Variants in ZNF454 observed in about 807,000 individuals in gnomAD.
ZNF454 encodes the protein zinc finger protein 454.
A neutral mutation model predicts 48.2 loss-of-function variants in ZNF454; 30 were observed. That is an observed-to-expected ratio of 0.62 (90% confidence interval 0.47 to 0.84). The LOEUF (loss-of-function observed/expected upper bound fraction) is 0.84. ZNF454 is among the 40% of genes least tolerant of loss of function. The probability of loss-of-function intolerance (pLI) is 0.00; values close to 1 mark genes in which losing one functional copy is unlikely to be tolerated. For missense variants in ZNF454, 510 were observed against 623.1 expected (o/e 0.82, Z 1.93); for synonymous variants, 204 against 211.4 (o/e 0.97, Z 0.30).
At chr5:178,942,344 TG>T (rs1274988694) in intron 1 of ZNF454, 1 of 154,764 alleles carries the variant, frequency 6.5e-6, no homozygotes, top group Non-Finnish European at 1.4e-5. Context: ...AGGCGGAGGT[TG>T]CAGTGAGCCA....
In ZNF454 at chr5:178,946,853, CG is replaced by C; in HGVS notation, c.161-43del. 1 of 1,541,570 alleles carries C rather than the reference CG, an allele frequency of 6.5e-7. No homozygotes were observed. Among genetic ancestry groups the C allele is most frequent in the Non-Finnish European group, 8.9e-7 (1 of 1,117,758 alleles). ...TGTCTTTGCAGTGATTTTTATCTCTCGTATAAACAGATGTGGTTCATTTTTG... is the reference window on the plus strand; with the variant it reads ...TGTCTTTGCAGTGATTTTTATCTCTCTATAAACAGATGTGGTTCATTTTTG... On this transcript the variant is annotated intron_variant, in intron 3 of 4. Transcript: ENST00000519564. The surrounding 1 kb of genome is among the most constrained non-coding windows in gnomAD (Gnocchi z 4.5).
At chr5:178,985,830 T>A in the ZNF454 span, 1 of 535,378 alleles carries the variant, frequency 1.9e-6, no homozygotes, top group Non-Finnish European at 3.4e-6. Context: ...GGTGCGATCT[T>A]GGCTCACAGC....
At chr5:178,989,097 C>CAA in the ZNF454 span, 1 of 1,614,000 alleles carries the variant, frequency 6.2e-7, no homozygotes, top group South Asian at 1.1e-5. Flanking sequence ...ACCTTGCCCT[C>CAA]CTGCTCGTAG....
chr5:178,984,099 A>T, the ZNF454 span, among the ~76,000 whole-genome samples: 5,359 of 152,238 alleles, frequency 0.035, 104 homozygotes, highest in South Asian at 0.074. Flanking sequence ...CCTTCCAAAT[A>T]AGTGGATCAC....
chr5:178,967,727 TTTCTTTTTCTTTTTC>T, downstream of ZNF454, among the ~76,000 whole-genome samples: 1 of 73,974 alleles, frequency 1.4e-5, no homozygotes, highest in Non-Finnish European at 2.9e-5. Context: ...GTTTTTTTTT[TTTCTTTTTCTTTTTC>T]TTTTTTTTTT....
chr5:178,957,059 T>A lies in ZNF454; in HGVS notation c.251-7596T>A, dbSNP rs187585337. On this transcript the variant is annotated intron_variant, in intron 4 of 4. Transcript: ENST00000519564. Reference sequence around the variant, plus strand: ...CCACCACGCCCGGATAATTTTTGTGTTTTTAGTAGAGACAGGGTTTCACCA... The same window carrying A: ...CCACCACGCCCGGATAATTTTTGTGATTTTAGTAGAGACAGGGTTTCACCA... Among the ~76,000 whole-genome samples the A allele has an allele frequency of 2.0e-4, 30 of 151,882 alleles. No individual in the cohort carries two copies. In the East Asian group the frequency reaches 5.5e-3, roughly 28 times the overall value.
chr5:178,965,077 T>A lies in ZNF454; in HGVS notation c.673T>A (p.Phe225Ile). 1 of 1,614,190 alleles carries A rather than the reference T, an allele frequency of 6.2e-7. No individual in the cohort carries two copies. The highest frequency in any genetic ancestry group is 8.5e-7 in the Non-Finnish European group (1 of 1,180,044). The change falls in exon 5 of 5, where the codon TTT becomes ATT. Residue 225 changes from phenylalanine to isoleucine, a missense_variant. Phe to Ile is a conservative substitution (Grantham distance 21). Coordinates refer to ENST00000519564, the MANE Select transcript of ZNF454 (RefSeq NM_001178089.3). The surrounding 1 kb of genome is among the most constrained non-coding windows in gnomAD (Gnocchi z 5.2). ...RYECRECGKA[F>I]HQSTHLIHHQ... ...TGAATGTAGAGAATGTGGGAAAGCC[T>A]TTCACCAGAGTACGCACCTTATCCA...
the ZNF454 span, among the ~76,000 whole-genome samples, chr5:178,984,630 C>G: frequency 2.0e-5 from 3 of 152,106 alleles, no homozygotes; most frequent in Non-Finnish European, 4.4e-5. Context: ...AGGAGCACCT[C>G]AGGCCGGGAC....
In ZNF454 at chr5:178,946,489, A is replaced by T; in HGVS notation, c.160+4A>T. On this transcript the variant is annotated splice_donor_region_variant and intron_variant, in intron 3 of 4. Transcript: ENST00000519564. The surrounding 1 kb of genome is among the most constrained non-coding windows in gnomAD (Gnocchi z 4.5). Reference sequence around the variant, plus strand: ...TACAGCAACCTGGTCTCACTGGGTAAGTGGGACCCCTGCAAGGTTTCTCTT... The same window carrying T: ...TACAGCAACCTGGTCTCACTGGGTATGTGGGACCCCTGCAAGGTTTCTCTT... 1.9e-6 allele frequency: 3 copies of T among 1,589,962 alleles called. No homozygotes were observed. The highest frequency in any genetic ancestry group is 2.6e-6 in the Non-Finnish European group (3 of 1,172,272).
the ZNF454 span, among the ~76,000 whole-genome samples, chr5:178,983,871 G>A: frequency 2.0e-5 from 3 of 152,324 alleles, no homozygotes; most frequent in African/African-American, 7.2e-5. Context: ...ACCCTGGAAG[G>A]GCTGCCCCAC....
the ZNF454 span, chr5:178,980,177 A>T: frequency 6.5e-6 from 1 of 154,404 alleles, no homozygotes; most frequent in South Asian, 2.0e-4. The surrounding 1 kb of genome is among the most constrained non-coding windows in gnomAD (Gnocchi z 4.3). Context: ...TATGTTGGAT[A>T]AAGTGTGGTT....
At chr5:178,986,198 C>T in the ZNF454 span, 1 of 1,614,106 alleles carries the variant, frequency 6.2e-7, no homozygotes, top group Non-Finnish European at 8.5e-7. Flanking sequence ...GGGGGTGTGA[C>T]CGAGCGCTTG....
the ZNF454 span, chr5:178,985,682 G>A: frequency 8.6e-3 from 3,314 of 386,962 alleles, 32 homozygotes; most frequent in African/African-American, 0.018. Flanking sequence ...CAGCCTGGGC[G>A]ACACAGCGAG....
At chr5:178,981,319 G>A in the ZNF454 span, 10 of 285,244 alleles carry the variant, frequency 3.5e-5, no homozygotes, top group Non-Finnish European at 5.4e-5. The surrounding 1 kb of genome is among the most constrained non-coding windows in gnomAD (Gnocchi z 5.1). Flanking sequence ...GAAATCTCCC[G>A]CAAACCAGGC....
At chr5:178,976,726 A>G in the ZNF454 span, among the ~76,000 whole-genome samples, 4 of 152,216 alleles carry the variant, frequency 2.6e-5, no homozygotes, top group African/African-American at 9.6e-5. Flanking sequence ...AGACTTAACC[A>G]TGACACAGTG....
chr5:178,943,333 G>A (rs1759185840), intron 2 of ZNF454, among the ~76,000 whole-genome samples: 1 of 152,182 alleles, frequency 6.6e-6, no homozygotes, highest in African/African-American at 2.4e-5. Context: ...AAGGGAGCAA[G>A]AGAGAGAAGT....
intron 4 of ZNF454, among the ~76,000 whole-genome samples, chr5:178,953,224 G>A (rs1411687958): frequency 4.6e-5 from 7 of 151,980 alleles, no homozygotes; most frequent in Non-Finnish European, 8.8e-5. Context: ...ATTTCCATTC[G>A]CTGTCCTCTC....
At chr5:178,985,780 GAGACA>G in the ZNF454 span, 34 of 484,456 alleles carry the variant, frequency 7.0e-5, no homozygotes, top group Non-Finnish European at 1.1e-4. Context: ...TTTTTGTTTT[GAGACA>G]GGGTCTTACT....
intron 4 of ZNF454, among the ~76,000 whole-genome samples, chr5:178,959,359 C>T (rs1224283855): frequency 3.3e-5 from 5 of 152,106 alleles, no homozygotes; most frequent in Non-Finnish European, 7.3e-5. Context: ...ACTCTATTCT[C>T]TTTCATTCTT....
Sources: gnomAD v4.1 joint callset for allele counts (sites outside exome capture counted in the v4.1 genomes callset) on GRCh38, gnomAD v4.1.1 for gene constraint, Gnocchi (gnomAD v3.1) non-coding constraint, MANE v1.5 for transcripts, NCBI Gene and HGNC (gene_info 2026-07-23, HGNC 2026-07-21) for gene names.